MIA2: variants seen among roughly 807,000 people sequenced by gnomAD.
The protein encoded by MIA2 is melanoma inhibitory activity protein 2.
MIA2 carries 127 observed loss-of-function variants against 167.8 expected under a neutral mutation model. The observed-to-expected ratio is 0.76, with a 90% confidence interval of 0.66 to 0.88. The LOEUF is 0.88. MIA2 is among the 40% of genes least tolerant of loss of function. MIA2 has a pLI of 0.00. For synonymous variants in MIA2, 552 were observed against 541.9 expected (o/e 1.02, Z -0.26); for missense variants, 1,690 against 1,624.7 (o/e 1.04, Z -0.69).
intron 23 of MIA2, among the ~76,000 whole-genome samples, chr14:39,379,548 C>T (rs759380676): frequency 6.6e-6 from 1 of 152,046 alleles, no homozygotes; most frequent in Admixed American, 6.5e-5. Flanking sequence ...ATGGGGAGTA[C>T]ATTTAGATAA....
At chr14:39,344,036 C>G (rs1019169181) in intron 25 of MIA2, among the ~76,000 whole-genome samples, 4 of 152,086 alleles carry the variant, frequency 2.6e-5, no homozygotes, top group Non-Finnish European at 1.5e-5. Context: ...GTGTTTCTAT[C>G]AGAATTAGAC....
chr14:39,324,889 G>T lies in MIA2; in HGVS notation c.3497-1975G>T, dbSNP rs2067169584. 2.0e-5 allele frequency among the ~76,000 whole-genome samples: 3 copies of T among 152,116 alleles called. No homozygotes were observed. In the South Asian group the frequency reaches 6.2e-4, roughly 32 times the overall value. On this transcript the variant is annotated intron_variant, in intron 24 of 28. Transcript: ENST00000640607. ...CCCAGAGTGCTAGGATTACAGGCAT[G>T]AGCCATCACGCCTGGCTATTTTAGT... is the stretch of plus-strand genomic sequence containing the variant.
intron 9 of MIA2, among the ~76,000 whole-genome samples, chr14:39,282,439 A>G (rs528679941): frequency 2.8e-4 from 43 of 152,164 alleles, no homozygotes; most frequent in Admixed American, 1.5e-3. Flanking sequence ...TCTCTCTCAT[A>G]GTTACCCATT....
intron 23 of MIA2, among the ~76,000 whole-genome samples, chr14:39,374,904 C>A (rs1320930396): frequency 6.6e-6 from 1 of 152,152 alleles, no homozygotes; most frequent in Non-Finnish European, 1.5e-5. Flanking sequence ...TAGGTAAAAC[C>A]TTAGGAAGCA....
chr14:39,324,962 A>G lies in MIA2; in HGVS notation c.3497-1902A>G, dbSNP rs549335435. On this transcript the variant is annotated intron_variant, in intron 24 of 28. Transcript: ENST00000640607. ...TGTTCACTGGGTGCAGTGGCTTACAACTATAATCCTAGTACTTTGGGAGGT... is the reference window on the plus strand; with the variant it reads ...TGTTCACTGGGTGCAGTGGCTTACAGCTATAATCCTAGTACTTTGGGAGGT... Among the ~76,000 whole-genome samples, 4 of 152,218 alleles carry G rather than the reference A, an allele frequency of 2.6e-5. No individual in the cohort carries two copies. In the East Asian group the frequency reaches 5.8e-4, roughly 22 times the overall value.
At chr14:39,378,026 T>C (rs2075077395) in intron 23 of MIA2, among the ~76,000 whole-genome samples, 1 of 152,210 alleles carries the variant, frequency 6.6e-6, no homozygotes, top group East Asian at 1.9e-4. Flanking sequence ...GCTCCAGTTA[T>C]GCACTTGTAT....
intron 18 of MIA2, among the ~76,000 whole-genome samples, chr14:39,310,296 G>C (rs948015140): frequency 1.1e-4 from 17 of 152,010 alleles, no homozygotes; most frequent in African/African-American, 3.9e-4. Flanking sequence ...TATGCTTTTT[G>C]CTGGTGATTT....
At chr14:39,380,740 A>G (rs2075141840) in intron 23 of MIA2, among the ~76,000 whole-genome samples, 2 of 151,412 alleles carry the variant, frequency 1.3e-5, no homozygotes, top group South Asian at 4.2e-4. Context: ...ACATAAAATT[A>G]TAGAAATCTA....
intron 23 of MIA2, chr14:39,386,479 C>T: frequency 6.6e-7 from 1 of 1,511,270 alleles, no homozygotes; most frequent in Non-Finnish European, 9.2e-7. Flanking sequence ...CTTTTACTGC[C>T]TGTACTTCAG....
intron 6 of MIA2, chr14:39,269,093 T>TTTTTTTTTTTTTTTTC: frequency 1.1e-6 from 1 of 948,458 alleles, no homozygotes; most frequent in Non-Finnish European, 1.2e-6. Flanking sequence ...TTTTTTTTTT[T>TTTTTTTTTTTTTTTTC]TTTTTTGCTA....
intron 21 of MIA2, among the ~76,000 whole-genome samples, chr14:39,316,009 G>A (rs1190363085): frequency 6.6e-6 from 1 of 152,174 alleles, no homozygotes; most frequent in African/African-American, 2.4e-5. Context: ...CAGGGCACTG[G>A]ATTGCCACTA....
In MIA2 at chr14:39,277,066, G is replaced by T; in HGVS notation, c.2019+1G>T. The T allele has an allele frequency of 6.2e-7, 1 of 1,613,372 alleles. No individual in the cohort carries two copies. The highest frequency in any genetic ancestry group is 8.5e-7 in the Non-Finnish European group (1 of 1,179,774). On this transcript the variant is annotated splice_donor_variant, in intron 7 of 28. Coordinates refer to ENST00000640607, the MANE Select transcript of MIA2 (RefSeq NM_001329214.4). LOFTEE classifies it high-confidence loss of function. The stretch of plus-strand genomic sequence containing the variant: ...TTTTTTGTGGAGAAGTTTTAGATCG[G>T]TAAGTAACCAGTGCTATACTAAGAG...
downstream of MIA2, among the ~76,000 whole-genome samples, chr14:39,354,385 A>G (rs1260851904): frequency 6.6e-6 from 1 of 152,080 alleles, no homozygotes; most frequent in Non-Finnish European, 1.5e-5. Context: ...GTCTGTTCAT[A>G]TCCTTCACCC....
intron 9 of MIA2, among the ~76,000 whole-genome samples, chr14:39,281,224 C>A (rs1011713630): frequency 5.9e-5 from 9 of 152,138 alleles, no homozygotes; most frequent in Non-Finnish European, 1.3e-4. Context: ...CGTGCTCTAC[C>A]TTTTATTAGT....
chr14:39,265,558 A>G lies in MIA2; in HGVS notation c.1888-11376A>G, dbSNP rs2055472180. 27 of 625,562 alleles carry G rather than the reference A, an allele frequency of 4.3e-5. No homozygotes were observed. In the South Asian group the frequency reaches 5.4e-4, roughly 12 times the overall value. The allele number at this position is 625,562 out of a possible 1,614,324, so 38.8% of individuals were successfully genotyped here. ...TTTTTCATTTTATCCTCTGTCCTTA[A>G]TATTTTTAATATTTGGAGTGGTAAT... On this transcript the variant is annotated intron_variant, in intron 6 of 28. Transcript: ENST00000640607.
chr14:39,369,420 A>G (rs1009965933), intron 23 of MIA2, among the ~76,000 whole-genome samples: 2 of 152,242 alleles, frequency 1.3e-5, no homozygotes, highest in African/African-American at 4.8e-5. Flanking sequence ...TATTCTATAT[A>G]CAGATCTTTA....
intron 6 of MIA2, among the ~76,000 whole-genome samples, chr14:39,258,676 G>C (rs1822053006): frequency 1.3e-5 from 2 of 152,134 alleles, no homozygotes; most frequent in South Asian, 2.1e-4. Flanking sequence ...TCTGGTTTTT[G>C]GAATTTTCAG....
chr14:39,252,698 C>G lies in MIA2; in HGVS notation c.1568-50C>G, dbSNP rs763824299. 3.5e-6 allele frequency: 5 copies of G among 1,448,724 alleles called. No homozygotes were observed. The Admixed American group carries it at 7.4e-5, about 21-fold the overall frequency. The allele number at this position is 1,448,724 out of a possible 1,614,324, so 89.7% of individuals were successfully genotyped here. A position where few individuals can be genotyped will look rare whatever the true frequency, so the allele number is the denominator to read the frequency against. On this transcript the variant is annotated intron_variant, in intron 4 of 28. Coordinates refer to ENST00000640607, the MANE Select transcript of MIA2 (RefSeq NM_001329214.4). ...GCCTAGAAAACAAAAGGGGAGCCCT[C>G]AACAAAGCAAGTATTTTGGAAAAAC...
intron 23 of MIA2, among the ~76,000 whole-genome samples, chr14:39,381,446 A>G (rs2075159380): frequency 6.6e-6 from 1 of 152,220 alleles, no homozygotes; most frequent in African/African-American, 2.4e-5. Context: ...AGCTGGGACA[A>G]ATTGCTTATA....
Sources: gnomAD v4.1 joint callset for allele counts (sites outside exome capture counted in the v4.1 genomes callset) on GRCh38, gnomAD v4.1.1 for gene constraint, MANE v1.5 for transcripts, NCBI Gene and HGNC (gene_info 2026-07-23, HGNC 2026-07-21) for gene names.